The following LONP2 variants were observed in gnomAD, a reference collection of about 807,000 sequenced individuals.
LONP2 encodes lon peptidase 2, peroxisomal.
In LONP2, 60 loss-of-function variants were observed where a neutral mutation model predicts 85.6. That is an observed-to-expected ratio of 0.70 (90% CI 0.57 to 0.87). LONP2 has a LOEUF of 0.87. Ranked by LOEUF, LONP2 falls within the 40% of genes least tolerant of loss-of-function variation. LONP2 has a pLI of 0.00. For synonymous variants in LONP2, 395 were observed against 389.7 expected (o/e 1.01, Z -0.16); for missense variants, 860 against 1,063.5 (o/e 0.81, Z 2.66).
chr16:48,274,929 C>T (rs182757808), intron 7 of LONP2, among the ~76,000 whole-genome samples: 81 of 152,206 alleles, frequency 5.3e-4, no homozygotes, highest in African/African-American at 1.9e-3. Context: ...GAGCCGAGCC[C>T]TTTAATTGAA....
In LONP2 at chr16:48,256,738, C is replaced by T; in HGVS notation, c.597C>T (p.Leu199=). 6.2e-7 allele frequency: 1 copy of T among 1,613,596 alleles called. No individual in the cohort carries two copies. Among genetic ancestry groups the T allele is most frequent in the African/African-American group, 1.3e-5 (1 of 75,004 alleles). The part of the protein sequence containing the change: ...SIIRTSNKEK[L]QILDAVSLEE... The stretch of plus-strand genomic sequence containing the variant: ...TCCGAACAAGCAACAAAGAGAAACT[C>T]CAGGTACAGTGTTCCCTTTTGAACG... Residue 199 remains leucine (L), a synonymous_variant, in exon 3 of 15, where the codon CTC becomes CTT. Transcript: ENST00000285737.
intron 5 of LONP2, 90 bp from the exon 6 acceptor site, chr16:48,262,688 C>G: frequency 9.1e-6 from 7 of 765,174 alleles, no homozygotes; most frequent in Non-Finnish European, 1.5e-5. Context: ...CATGATATAT[C>G]TAACCAAGAA....
intron 7 of LONP2, among the ~76,000 whole-genome samples, chr16:48,271,724 T>G (rs1260787778): frequency 2.0e-5 from 3 of 152,006 alleles, no homozygotes; most frequent in Non-Finnish European, 4.4e-5. Flanking sequence ...TCTAAAAAAA[T>G]AATAATAATA....
At chr16:48,334,097 A>T in intron 11 of LONP2, 119 bp from the exon 12 acceptor site, 2 of 818,526 alleles carry the variant, frequency 2.4e-6, no homozygotes, top group South Asian at 3.6e-5. Context: ...GCCTTGATAA[A>T]TGCATAAAAG....
downstream of LONP2, among the ~76,000 whole-genome samples, chr16:48,359,043 A>G (rs1960478101): frequency 6.6e-6 from 1 of 152,190 alleles, no homozygotes; most frequent in Non-Finnish European, 1.5e-5. Flanking sequence ...GCTGGAGTGC[A>G]GTGATACGAT....
intron 10 of LONP2, 99 bp downstream of exon 10, chr16:48,299,887 A>T (rs866987831): frequency 8.1e-6 from 10 of 1,232,018 alleles, no homozygotes; most frequent in Middle Eastern, 2.0e-4. Context: ...TGAGTTTTTC[A>T]TCTTTTGAGA....
At chr16:48,351,019 ACT>A (rs774808791) in intron 14 of LONP2, among the ~76,000 whole-genome samples, 7 of 151,680 alleles carry the variant, frequency 4.6e-5, no homozygotes, top group Admixed American at 6.6e-5. Context: ...CTCCCACCAC[ACT>A]CTGTTTCTTA....
downstream of LONP2, among the ~76,000 whole-genome samples, chr16:48,359,116 TAGGG>T (rs1960480951): frequency 6.6e-6 from 1 of 152,072 alleles, no homozygotes; most frequent in Non-Finnish European, 1.5e-5. Flanking sequence ...GCTTCCCTAA[TAGGG>T]TGTGCCATCA....
chr16:48,277,568 T>C (rs2150982522), intron 8 of LONP2, 89 bp downstream of exon 8: 1 of 1,280,350 alleles, frequency 7.8e-7, no homozygotes, highest in Non-Finnish European at 1.1e-6. Flanking sequence ...TACACAGTGG[T>C]GTAGCTTTAG....
chr16:48,261,503 A>G lies in LONP2; in HGVS notation c.803A>G (p.Asp268Gly), dbSNP rs745775136. 6.2e-7 allele frequency: 1 copy of G among 1,608,198 alleles called. No homozygotes were observed. The highest frequency in any genetic ancestry group is 1.1e-5 in the South Asian group (1 of 90,456). Residue 268 changes from aspartate to glycine, a missense_variant, in exon 5 of 15, where the codon GAT (aspartate) becomes GGT (glycine). Around this residue, in one of 3 missense-constraint regions of LONP2, gnomAD observed 743 missense variants for 917.3 expected, o/e 0.81. Coordinates refer to ENST00000285737, the MANE Select transcript of LONP2 (RefSeq NM_031490.5). ...GATGAAGATGAAGATGAAGATAATG[A>G]TGACATTGTCATGCTAGAGAAAAAA... The part of the protein sequence containing the change: ...LEDEDEDEDN[D>G]DIVMLEKKIR...
At chr16:48,342,599 G>C (rs913578732) in intron 12 of LONP2, among the ~76,000 whole-genome samples, 7 of 152,234 alleles carry the variant, frequency 4.6e-5, no homozygotes, top group Non-Finnish European at 7.3e-5. Flanking sequence ...AGGCCAGGCT[G>C]GGGCTGCTTA....
At chr16:48,315,277 G>A (rs1474209946) in intron 11 of LONP2, among the ~76,000 whole-genome samples, 2 of 152,242 alleles carry the variant, frequency 1.3e-5, no homozygotes, top group Non-Finnish European at 2.9e-5. Context: ...ATCATGTGGT[G>A]AAGTGTGATT....
rs1960177275 is a variant in LONP2, at chr16:48,352,364, G to C, written c.*562G>C. The C allele has an allele frequency of 6.5e-6, 1 of 152,790 alleles. No individual in the cohort carries two copies. The highest frequency in any genetic ancestry group is 2.1e-4 in the South Asian group (1 of 4,850). The allele number at this position is 152,790 out of a possible 1,614,324, so 9.5% of individuals were successfully genotyped here. A position where few individuals can be genotyped will look rare whatever the true frequency, so the allele number is the denominator to read the frequency against. On this transcript the variant is annotated 3_prime_UTR_variant, in exon 15 of 15. Transcript: ENST00000285737. The stretch of plus-strand genomic sequence containing the variant: ...TTGGCTATATATATATATTCAAGTG[G>C]GCCGGGCGTGATGGCTCACACCTGT...
At chr16:48,318,978 C>CTTT (rs775333727) in intron 11 of LONP2, among the ~76,000 whole-genome samples, 1 of 145,198 alleles carries the variant, frequency 6.9e-6, no homozygotes. Flanking sequence ...ATCCTTTCAG[C>CTTT]TTTTTTTTTT....
chr16:48,244,470 A>G lies in LONP2; in HGVS notation c.82A>G (p.Thr28Ala), dbSNP rs1971221146. The G allele has an allele frequency of 6.3e-7, 1 of 1,598,024 alleles. No individual in the cohort carries two copies. Among genetic ancestry groups the G allele is most frequent in the Non-Finnish European group, 8.5e-7 (1 of 1,176,212 alleles). The change falls in exon 1 of 15, where the codon ACC becomes GCC. Residue 28 changes from threonine (T) to alanine (A), a missense_variant. By Grantham distance (58) the Thr-to-Ala change is moderately conservative. This residue lies in a region of LONP2 where 743 missense variants were observed against 917.3 expected (regional missense o/e 0.81). Transcript: ENST00000285737. Reference protein sequence around the residue: ...THEGVLLPGSTMRTSVDSARN... With the variant: ...THEGVLLPGSAMRTSVDSARN... ...CGAGGGCGTCCTGCTGCCCGGCTCC[A>G]CCATGCGCACCAGCGTGGACTCGGC...
At chr16:48,346,283 G>C (rs559275518) in intron 12 of LONP2, among the ~76,000 whole-genome samples, 3 of 152,336 alleles carry the variant, frequency 2.0e-5, no homozygotes, top group African/African-American at 7.2e-5. Flanking sequence ...ATTGTGTTCA[G>C]TTCCTCTAAC....
At chr16:48,285,112 G>A (rs944304823) in intron 8 of LONP2, among the ~76,000 whole-genome samples, 3 of 151,636 alleles carry the variant, frequency 2.0e-5, no homozygotes, top group Non-Finnish European at 4.4e-5. Context: ...AATTTTGTTG[G>A]TATAGAATTT....
At position 48,355,933 on chromosome 16, in the gene LONP2, A is replaced by G. The variant is rs1159213395; in HGVS notation, c.*4131A>G. 18 of 152,144 alleles carry G rather than the reference A, an allele frequency of 1.2e-4. No homozygotes were observed. Among genetic ancestry groups the G allele is most frequent in the African/African-American group, 4.3e-4 (18 of 41,388 alleles). 9.4% of individuals were successfully genotyped at this position (152,144 alleles called of 1,614,324 possible). A position where few individuals can be genotyped will look rare whatever the true frequency, so the allele number is the denominator to read the frequency against. On this transcript the variant is annotated 3_prime_UTR_variant, in exon 15 of 15. Coordinates refer to ENST00000285737, the MANE Select transcript of LONP2 (RefSeq NM_031490.5). ...GGGTTTTTAAAACTTCTCAAGTATTAAAACTAAAAGCTTTAGGTGCTTTGC... is the reference window on the plus strand; with the variant it reads ...GGGTTTTTAAAACTTCTCAAGTATTGAAACTAAAAGCTTTAGGTGCTTTGC...
chr16:48,290,006 C>G (rs565693147), intron 8 of LONP2, among the ~76,000 whole-genome samples: 54 of 152,250 alleles, frequency 3.5e-4, no homozygotes, highest in Non-Finnish European at 6.8e-4. Flanking sequence ...ATGACATTCT[C>G]ATTTTTATTG....
Sources: gnomAD v4.1 joint callset for allele counts (sites outside exome capture counted in the v4.1 genomes callset) on GRCh38, gnomAD v4.1.1 for gene constraint, gnomAD v4.1.1 regional missense constraint, MANE v1.5 for transcripts, NCBI Gene and HGNC (gene_info 2026-07-23, HGNC 2026-07-21) for gene names.